FRMD4B: variants seen among roughly 807,000 people sequenced by gnomAD.
FRMD4B encodes the protein FERM domain-containing protein 4B.
A neutral mutation model predicts 141.5 loss-of-function variants in FRMD4B; 74 were observed. The ratio of observed to expected loss-of-function variants is 0.52; its 90% confidence interval spans 0.43 to 0.63. The LOEUF is 0.63. Ranked by LOEUF, FRMD4B falls within the 30% of genes least tolerant of loss-of-function variation. FRMD4B has a pLI of 0.00. For synonymous variants in FRMD4B, 506 were observed against 467.9 expected, an observed-to-expected ratio of 1.08 and a Z score of -1.05; for missense variants, 1,366 against 1,253.4, an observed-to-expected ratio of 1.09 and a Z score of -1.36.
intron 1 of FRMD4B, among the ~76,000 whole-genome samples, chr3:69,447,868 T>C (rs893742685): frequency 3.3e-5 from 5 of 152,236 alleles, no homozygotes; most frequent in African/African-American, 1.2e-4. Context: ...TTATAGCACA[T>C]ATTAGTAGTT....
At chr3:69,514,780 C>T (rs973689785) in intron 1 of FRMD4B, among the ~76,000 whole-genome samples, 7 of 151,966 alleles carry the variant, frequency 4.6e-5, no homozygotes, top group South Asian at 2.1e-4. Flanking sequence ...TTAGGATGTC[C>T]GTGTTACCCA....
At chr3:69,355,145 G>A (rs1003786478) in intron 1 of FRMD4B, among the ~76,000 whole-genome samples, 9 of 152,116 alleles carry the variant, frequency 5.9e-5, no homozygotes, top group Admixed American at 4.6e-4. Flanking sequence ...TGTGATAAAA[G>A]GATGACTCAA....
intron 4 of FRMD4B, among the ~76,000 whole-genome samples, chr3:69,297,474 C>A (rs1020985324): frequency 2.0e-5 from 3 of 151,904 alleles, no homozygotes; most frequent in African/African-American, 4.8e-5. Context: ...AGAGGGAAGA[C>A]CAAATGAAAT....
intron 1 of FRMD4B, among the ~76,000 whole-genome samples, chr3:69,479,307 G>A (rs1481970677): frequency 6.7e-6 from 1 of 149,244 alleles, no homozygotes; most frequent in African/African-American, 2.5e-5. Flanking sequence ...AGCCTCGATG[G>A]TCTTTACAAT....
intron 1 of FRMD4B, among the ~76,000 whole-genome samples, chr3:69,435,474 A>C (rs188072603): frequency 1.3e-5 from 2 of 152,334 alleles, no homozygotes; most frequent in Admixed American, 1.3e-4. Context: ...TATTTTTCTA[A>C]ATAAAGTTTT....
At chr3:69,212,366 A>G (rs2093091281) in intron 11 of FRMD4B, among the ~76,000 whole-genome samples, 1 of 64,722 alleles carries the variant, frequency 1.5e-5, no homozygotes, top group Non-Finnish European at 3.5e-5. Flanking sequence ...TCTCAAAAAA[A>G]AAAAAAAAAA....
At chr3:69,214,569 G>T (rs145766712) in intron 11 of FRMD4B, among the ~76,000 whole-genome samples, 4 of 152,276 alleles carry the variant, frequency 2.6e-5, no homozygotes, top group African/African-American at 4.8e-5. Context: ...ATCAAGAGAA[G>T]CAGATTCAGC....
intron 1 of FRMD4B, chr3:69,323,129 G>C: frequency 8.6e-6 from 2 of 233,354 alleles, no homozygotes; most frequent in Non-Finnish European, 1.4e-5. Context: ...GAAGAGGGGA[G>C]GAATGACAAA....
intron 1 of FRMD4B, among the ~76,000 whole-genome samples, chr3:69,372,448 C>T (rs556165400): frequency 6.6e-5 from 10 of 152,226 alleles, no homozygotes; most frequent in Admixed American, 2.6e-4. Flanking sequence ...GCGGATCACC[C>T]GAGGTTAGGA....
At chr3:69,520,756 C>T (rs1318993134) in intron 1 of FRMD4B, among the ~76,000 whole-genome samples, 1 of 152,136 alleles carries the variant, frequency 6.6e-6, no homozygotes, top group African/African-American at 2.4e-5. Flanking sequence ...CTTCCCAATC[C>T]TTGCTCCTGC....
chr3:69,188,164 C>G (rs966336947), intron 18 of FRMD4B, among the ~76,000 whole-genome samples: 3 of 152,154 alleles, frequency 2.0e-5, no homozygotes, highest in Non-Finnish European at 4.4e-5. Context: ...CAACAGGTGT[C>G]ACTTAGAGTG....
intron 5 of FRMD4B, among the ~76,000 whole-genome samples, chr3:69,262,191 T>C (rs886642509): frequency 6.6e-6 from 1 of 152,154 alleles, no homozygotes; most frequent in Admixed American, 6.5e-5. Context: ...AGTCTTGAAC[T>C]CCTGGCTTCA....
intron 2 of FRMD4B, among the ~76,000 whole-genome samples, chr3:69,431,496 T>C (rs1705179410): frequency 6.6e-6 from 1 of 152,226 alleles, no homozygotes; most frequent in Admixed American, 6.5e-5. Context: ...TTTCCATCCC[T>C]GAAGTACACT....
At chr3:69,253,014 G>A (rs1190256726) in intron 5 of FRMD4B, among the ~76,000 whole-genome samples, 7 of 151,956 alleles carry the variant, frequency 4.6e-5, no homozygotes, top group Non-Finnish European at 1.0e-4. Context: ...ATAGGTCACC[G>A]GGTTCAGGTG....
chr3:69,347,770 T>A (rs1055756556), intron 1 of FRMD4B, among the ~76,000 whole-genome samples: 1 of 152,184 alleles, frequency 6.6e-6, no homozygotes. Flanking sequence ...AATAAAGATG[T>A]TCTCTGAAAC....
chr3:69,455,401 A>C (rs1186305923), intron 1 of FRMD4B, among the ~76,000 whole-genome samples: 5 of 152,246 alleles, frequency 3.3e-5, no homozygotes, highest in African/African-American at 1.2e-4. Flanking sequence ...AAAGGTCTGC[A>C]GCTTCTCATC....
chr3:69,280,370 G>C (rs2093639195), intron 5 of FRMD4B, among the ~76,000 whole-genome samples: 1 of 152,050 alleles, frequency 6.6e-6, no homozygotes, highest in African/African-American at 2.4e-5. Context: ...TCCTACCTAG[G>C]GGCAGTTCCT....
chr3:69,462,675 A>G (rs749959469), intron 1 of FRMD4B, among the ~76,000 whole-genome samples: 27 of 152,286 alleles, frequency 1.8e-4, no homozygotes, highest in Non-Finnish European at 2.9e-4. Flanking sequence ...GCATCACCCA[A>G]TATCTGTGCA....
At chr3:69,207,220 G>A (rs1054726554) in intron 11 of FRMD4B, among the ~76,000 whole-genome samples, 1 of 151,170 alleles carries the variant, frequency 6.6e-6, no homozygotes, top group South Asian at 2.1e-4. Flanking sequence ...TGGGAGGATT[G>A]CTTGAACTGA....
Sources: gnomAD v4.1 joint callset for allele counts (sites outside exome capture counted in the v4.1 genomes callset) on GRCh38, gnomAD v4.1.1 for gene constraint, MANE v1.5 for transcripts, NCBI Gene and HGNC (gene_info 2026-07-23, HGNC 2026-07-21) for gene names.